Variants in MTMR12 observed in about 807,000 individuals in gnomAD.
MTMR12 encodes the protein myotubularin-related protein 12.
MTMR12 carries 33 observed loss-of-function variants against 96.7 expected under a neutral mutation model. The observed-to-expected ratio is 0.34, with a 90% CI of 0.26 to 0.46. MTMR12 has a LOEUF of 0.46. Among genes scored for constraint, MTMR12 ranks in the 20% least tolerant of loss-of-function variants. The probability of loss-of-function intolerance (pLI) is 1.00; values close to 1 mark genes in which losing one functional copy is unlikely to be tolerated. For missense variants in MTMR12, 721 were observed against 896.1 expected (o/e 0.80, Z 2.49); for synonymous variants, 298 against 327.2 (o/e 0.91, Z 0.96).
intron 6 of MTMR12, among the ~76,000 whole-genome samples, chr5:32,267,377 G>GAATAAAAAAAA (rs1749641975): frequency 1.1e-5 from 1 of 89,962 alleles, no homozygotes; most frequent in African/African-American, 4.5e-5. Context: ...CTCCATCTCA[G>GAATAAAAAAAA]AAAAAAAAAA....
intron 5 of MTMR12, 72 bp from the exon 6 acceptor site, chr5:32,268,866 G>GTGTCTAA (rs1749711629): frequency 7.8e-7 from 1 of 1,282,340 alleles, no homozygotes. Context: ...AAGAGTCAAG[G>GTGTCTAA]TGTCTAAGTT....
chr5:32,310,345 G>T (rs1463506465), intron 1 of MTMR12, among the ~76,000 whole-genome samples: 1 of 152,114 alleles, frequency 6.6e-6, no homozygotes, highest in Non-Finnish European at 1.5e-5. Context: ...AGAGAAATCT[G>T]CACTCCCATG....
At chr5:32,265,488 A>G (rs1749552677) in intron 6 of MTMR12, among the ~76,000 whole-genome samples, 2 of 152,256 alleles carry the variant, frequency 1.3e-5, no homozygotes. Context: ...GAAAATAGAT[A>G]TGATTTTGCA....
In MTMR12 at chr5:32,234,644, C is replaced by T. The variant is rs146463394; in HGVS notation, c.1512+318G>A. 1.0e-3 allele frequency: 174 copies of T among 172,896 alleles called. 1 individual carries two copies. Among genetic ancestry groups the T allele is most frequent in the African/African-American group, 3.8e-3 (161 of 42,358 alleles). The allele number at this position is 172,896 out of a possible 1,614,324, so 10.7% of individuals were successfully genotyped here. A position where few individuals can be genotyped will look rare whatever the true frequency, so the allele number is the denominator to read the frequency against. On this transcript the variant is annotated intron_variant, in intron 14 of 15. Coordinates refer to ENST00000382142, the MANE Select transcript of MTMR12 (RefSeq NM_001040446.3). ...GAGTGAGTTACTTATCCTTTTTTTG[C>T]CTCAGCTTCCTCCAGGATAATAAAA... is the stretch of plus-strand genomic sequence containing the variant.
At chr5:32,276,649 G>A in intron 2 of MTMR12, 33 bp downstream of exon 2, 1 of 1,579,140 alleles carries the variant, frequency 6.3e-7, no homozygotes, top group Non-Finnish European at 8.7e-7. Flanking sequence ...GCTTTGCCTT[G>A]CATAGGAGTT....
At chr5:32,265,918 A>ATCCC (rs1749572816) in intron 6 of MTMR12, among the ~76,000 whole-genome samples, 1 of 152,234 alleles carries the variant, frequency 6.6e-6, no homozygotes, top group Non-Finnish European at 1.5e-5. Flanking sequence ...CACAGCTGGA[A>ATCCC]AACAGCAAGG....
At chr5:32,296,878 G>A (rs1448295442) in intron 1 of MTMR12, among the ~76,000 whole-genome samples, 6 of 151,542 alleles carry the variant, frequency 4.0e-5, no homozygotes, top group South Asian at 2.1e-4. Context: ...CAAGGTGGGC[G>A]GACCACAAGG....
intron 8 of MTMR12, among the ~76,000 whole-genome samples, chr5:32,254,481 G>T (rs1462380294): frequency 6.6e-6 from 1 of 152,130 alleles, no homozygotes; most frequent in East Asian, 1.9e-4. Context: ...TATTCATTGT[G>T]ACCAACTCTG....
chr5:32,298,866 T>C (rs1470565734), intron 1 of MTMR12, among the ~76,000 whole-genome samples: 2 of 145,710 alleles, frequency 1.4e-5, no homozygotes, highest in East Asian at 2.0e-4. Context: ...GGCAGGAGAA[T>C]GGCACGAACC....
rs1206594412 is a variant in MTMR12, at chr5:32,229,753, C to T, written c.*25G>A. ...AGCTGTCCCAATCTCCCACATTCCTCTTTCACAATCACTCAACAAACAGGT... is the reference window on the plus strand; with the variant it reads ...AGCTGTCCCAATCTCCCACATTCCTTTTTCACAATCACTCAACAAACAGGT... On this transcript the variant is annotated 3_prime_UTR_variant, in exon 16 of 16. Transcript: ENST00000382142. 13 of 1,496,038 alleles carry T rather than the reference C, an allele frequency of 8.7e-6. No individual in the cohort carries two copies. The highest frequency in any genetic ancestry group is 9.8e-6 in the Non-Finnish European group (11 of 1,121,856). 92.7% of individuals were successfully genotyped at this position (1,496,038 alleles called of 1,614,324 possible). A position where few individuals can be genotyped will look rare whatever the true frequency, so the allele number is the denominator to read the frequency against.
rs568294655 is a variant in MTMR12, at chr5:32,298,032, G to C, written c.81+14726C>G. Among the ~76,000 whole-genome samples the C allele has an allele frequency of 2.0e-5, 3 of 152,372 alleles. No individual in the cohort carries two copies. In the East Asian group the frequency reaches 5.8e-4, roughly 29 times the overall value. On this transcript the variant is annotated intron_variant, in intron 1 of 15. Transcript: ENST00000382142. ...ACCAGAAGCAGGCAGGATCTTGGCT[G>C]TGCCTTGAAAGCTAGTTAGGATTTG... is the stretch of plus-strand genomic sequence containing the variant.
chr5:32,271,849 A>G lies in MTMR12; in HGVS notation c.342T>C (p.Val114=). 6.3e-7 allele frequency: 1 copy of G among 1,581,290 alleles called. No homozygotes were observed. The highest frequency in any genetic ancestry group is 8.6e-7 in the Non-Finnish European group (1 of 1,159,012). Reference sequence around the variant, plus strand: ...GATACTTACCTCCATAAATCTGATCAACACAGTGGAGTGTAATGTCATTTT... The same window carrying G: ...GATACTTACCTCCATAAATCTGATCGACACAGTGGAGTGTAATGTCATTTT... ...IGENDITLHC[V]DQIYGVFDEK... Residue 114 remains valine (V), a synonymous_variant, in exon 4 of 16, where the codon GTT becomes GTC. Transcript: ENST00000382142.
chr5:32,279,385 A>G (rs1189585426), intron 1 of MTMR12, among the ~76,000 whole-genome samples: 3 of 152,114 alleles, frequency 2.0e-5, no homozygotes, highest in Non-Finnish European at 2.9e-5. Context: ...GCACCACTGC[A>G]TTCCAGCCTG....
intron 8 of MTMR12, among the ~76,000 whole-genome samples, chr5:32,250,994 T>C (rs188519854): frequency 3.2e-3 from 483 of 152,094 alleles, no homozygotes; most frequent in Non-Finnish European, 3.7e-3. Flanking sequence ...AGTTTGTTAA[T>C]CTTATTTGTT....
At chr5:32,239,476 AG>A (rs1472126647) in intron 12 of MTMR12, among the ~76,000 whole-genome samples, 10 of 152,254 alleles carry the variant, frequency 6.6e-5, no homozygotes, top group Admixed American at 6.5e-5. Flanking sequence ...GTGGGGGTCT[AG>A]GTGTGCCACA....
intron 8 of MTMR12, among the ~76,000 whole-genome samples, 156 bp downstream of exon 8, chr5:32,255,537 T>G (rs1749102112): frequency 6.6e-6 from 1 of 152,234 alleles, no homozygotes; most frequent in South Asian, 2.1e-4. Flanking sequence ...CAATGACCTT[T>G]AACAGACTCT....
chr5:32,274,057 C>T lies in MTMR12; in HGVS notation c.208G>A (p.Gly70Arg). ...GTGCAGACAAGCCTCCCATAGACCCCATGCTGACAGGAATCTTCCTGGACA... is the reference window on the plus strand; with the variant it reads ...GTGCAGACAAGCCTCCCATAGACCCTATGCTGACAGGAATCTTCCTGGACA... ...KYVQEDSCQH[G>R]VYGRLVCTDF... The change falls in exon 3 of 16, where the codon GGG (glycine) becomes AGG (arginine). Residue 70 changes from glycine to arginine, a missense_variant. Physicochemically the swap from Gly to Arg is moderately radical, Grantham distance 125 (BLOSUM62 -2). Transcript: ENST00000382142. 6.2e-7 allele frequency: 1 copy of T among 1,614,198 alleles called. No homozygotes were observed. The highest frequency in any genetic ancestry group is 8.5e-7 in the Non-Finnish European group (1 of 1,180,036).
At chr5:32,278,850 G>A (rs906935529) in intron 1 of MTMR12, among the ~76,000 whole-genome samples, 1 of 152,032 alleles carries the variant, frequency 6.6e-6, no homozygotes, top group Admixed American at 6.6e-5. Context: ...GGCCGAGGTG[G>A]ACGGATCACC....
At chr5:32,297,770 C>G (rs1476141646) in intron 1 of MTMR12, among the ~76,000 whole-genome samples, 1 of 152,188 alleles carries the variant, frequency 6.6e-6, no homozygotes, top group Non-Finnish European at 1.5e-5. Context: ...ATAAATAAAA[C>G]TTACATTAGA....
Sources: allele counts gnomAD v4.1 joint callset (sites outside exome capture counted in the v4.1 genomes callset), GRCh38; gene constraint gnomAD v4.1.1; transcripts MANE v1.5; gene names NCBI Gene and HGNC (gene_info 2026-07-23, HGNC 2026-07-21).